Variants in SMARCC1 observed in about 807,000 individuals in gnomAD.
SMARCC1 encodes SWI/SNF related BAF chromatin remodeling complex subunit C1.
A neutral mutation model predicts 147.4 loss-of-function variants in SMARCC1; 43 were observed. The ratio of observed to expected loss-of-function variants is 0.29; its 90% confidence interval spans 0.23 to 0.38. SMARCC1 has a LOEUF of 0.38. Ranked by LOEUF, SMARCC1 falls within the 10% of genes least tolerant of loss-of-function variation. SMARCC1 has a pLI of 1.00. For missense variants in SMARCC1, 1,119 were observed against 1,381.1 expected (o/e 0.81, Z 3.01); for synonymous variants, 495 against 484.4 (o/e 1.02, Z -0.29).
chr3:47,597,427 T>C lies in SMARCC1; in HGVS notation c.3044-6590A>G, dbSNP rs184393494. Among the ~76,000 whole-genome samples, 1,374 of 152,168 alleles carry C rather than the reference T, an allele frequency of 9.0e-3. 21 individuals carry two copies. The highest frequency in any genetic ancestry group is 0.042 in the South Asian group (200 of 4,808). On this transcript the variant is annotated intron_variant, in intron 26 of 27. Transcript: ENST00000254480. ...GTGCAATCTCCGCCTCCCGGGTTCA[T>C]GCCATTCTCCTGCCGCAGCCTCCCG...
intron 15 of SMARCC1, chr3:47,680,108 C>A: frequency 4.4e-6 from 1 of 226,412 alleles, no homozygotes; most frequent in Non-Finnish European, 8.5e-6. Context: ...GTAGTCCCAG[C>A]TACTTCAAGA....
intron 6 of SMARCC1, among the ~76,000 whole-genome samples, chr3:47,725,746 C>T (rs1397597017): frequency 1.3e-5 from 2 of 152,006 alleles, no homozygotes; most frequent in Admixed American, 1.3e-4. Flanking sequence ...GCCATCGGGC[C>T]CAGCCCAACT....
At chr3:47,660,394 T>A (rs189556288) in intron 21 of SMARCC1, among the ~76,000 whole-genome samples, 1 of 133,552 alleles carries the variant, frequency 7.5e-6, no homozygotes, top group East Asian at 2.1e-4. Flanking sequence ...TGCAGTGAGC[T>A]GAGATCGCGC....
At chr3:47,769,344 G>A (rs1323349087) in intron 2 of SMARCC1, among the ~76,000 whole-genome samples, 1 of 149,578 alleles carries the variant, frequency 6.7e-6, no homozygotes, top group Admixed American at 6.8e-5. Flanking sequence ...GTGAAACTCT[G>A]TGTCTACTAG....
chr3:47,655,718 T>G (rs956545602), intron 21 of SMARCC1, among the ~76,000 whole-genome samples: 2 of 151,882 alleles, frequency 1.3e-5, no homozygotes, highest in Admixed American at 1.3e-4. Flanking sequence ...AAAATAATAA[T>G]AATTAAAAAG....
At chr3:47,686,894 C>T (rs1450830512) in intron 13 of SMARCC1, among the ~76,000 whole-genome samples, 1 of 152,030 alleles carries the variant, frequency 6.6e-6, no homozygotes, top group South Asian at 2.1e-4. Context: ...CTGAAGTCAG[C>T]AAGATTGCTT....
intron 14 of SMARCC1, 44 bp downstream of exon 14, chr3:47,686,005 G>A (rs2033717689): frequency 1.3e-6 from 2 of 1,583,856 alleles, no homozygotes; most frequent in East Asian, 4.5e-5. Flanking sequence ...GAAAGTTCTT[G>A]TACTGCTCAG....
chr3:47,638,943 C>A (rs2033011340), intron 21 of SMARCC1, among the ~76,000 whole-genome samples, 163 bp from the exon 22 acceptor site: 1 of 152,160 alleles, frequency 6.6e-6, no homozygotes, highest in Non-Finnish European at 1.5e-5. Flanking sequence ...ACAACACACA[C>A]TGTATGATAA....
intron 24 of SMARCC1, among the ~76,000 whole-genome samples, chr3:47,622,926 T>C (rs2032755395): frequency 6.6e-6 from 1 of 152,144 alleles, no homozygotes; most frequent in Admixed American, 6.5e-5. Context: ...ACAAGACTGA[T>C]GGTGAATGCT....
intron 21 of SMARCC1, among the ~76,000 whole-genome samples, chr3:47,639,032 C>A (rs57119659): frequency 0.017 from 2,539 of 152,250 alleles, 80 homozygotes; most frequent in African/African-American, 0.058. Flanking sequence ...GTGAATTATA[C>A]AGAAAGCAGA....
At chr3:47,690,593 G>A (rs2033778478) in intron 12 of SMARCC1, among the ~76,000 whole-genome samples, 1 of 152,178 alleles carries the variant, frequency 6.6e-6, no homozygotes, top group African/African-American at 2.4e-5. Context: ...GTGATACAAA[G>A]CATTGGCAGG....
intron 12 of SMARCC1, among the ~76,000 whole-genome samples, chr3:47,691,993 C>T (rs1439468574): frequency 3.3e-5 from 5 of 151,960 alleles, no homozygotes; most frequent in Admixed American, 6.6e-5. Context: ...ACCGAGGCTC[C>T]GTCTCAAAAA....
At chr3:47,721,434 C>T (rs1470639120) in intron 6 of SMARCC1, among the ~76,000 whole-genome samples, 1 of 152,060 alleles carries the variant, frequency 6.6e-6, no homozygotes, top group Non-Finnish European at 1.5e-5. Flanking sequence ...ATTACCTCCA[C>T]ATTTCAGCAC....
intron 12 of SMARCC1, among the ~76,000 whole-genome samples, chr3:47,690,496 T>C (rs552948535): frequency 6.6e-5 from 10 of 152,268 alleles, no homozygotes; most frequent in Non-Finnish European, 1.0e-4. Flanking sequence ...TCCAGTTGGA[T>C]TGGCTTGGTA....
At chr3:47,612,460 G>A (rs897072865) in intron 25 of SMARCC1, among the ~76,000 whole-genome samples, 2 of 152,130 alleles carry the variant, frequency 1.3e-5, no homozygotes, top group Non-Finnish European at 2.9e-5. Flanking sequence ...GCTACTGGAG[G>A]GAGCAGTGAC....
rs199718482 is a variant in SMARCC1, at chr3:47,710,826, C to G, written c.793-18G>C. On this transcript the variant is annotated intron_variant, in intron 8 of 27. Coordinates refer to ENST00000254480, the MANE Select transcript of SMARCC1 (RefSeq NM_003074.4). ...ACATGAACCTAAAACCATATCAAAG[C>G]ATCAATATCTACATAAATAACAAAA... 8.2e-6 allele frequency: 13 copies of G among 1,587,526 alleles called. No individual in the cohort carries two copies. The African/African-American group carries it at 1.8e-4, about 21-fold the overall frequency.
At position 47,632,967 on chromosome 3, in the gene SMARCC1, TAA is replaced by T. The variant is rs35876011; in HGVS notation, c.2646+2221_2646+2222del. ...ATGTAGGATTCCATTTATATGAAGT[TAA>T]AAAAAAAAAAAAGGAGAAACTAATC... On this transcript the variant is annotated intron_variant, in intron 24 of 27. Transcript: ENST00000254480. 3.6e-3 allele frequency among the ~76,000 whole-genome samples: 531 copies of T among 146,010 alleles called. 1 individual carries two copies. The highest frequency in any genetic ancestry group is 3.5e-3 in the Non-Finnish European group (230 of 66,584).
At chr3:47,618,004 ATTATTGACATTCATTCAGTAGGGGTAGGG>A in intron 25 of SMARCC1, among the ~76,000 whole-genome samples, 1 of 152,146 alleles carries the variant, frequency 6.6e-6, no homozygotes, top group Admixed American at 6.5e-5. Flanking sequence ...ATACAATTGG[ATTATTGACATTCATTCAGTAGGGGTAGGG>A]ACTGTCTCAT....
intron 25 of SMARCC1, among the ~76,000 whole-genome samples, chr3:47,617,345 T>C (rs1342907661): frequency 6.6e-6 from 1 of 152,248 alleles, no homozygotes; most frequent in Non-Finnish European, 1.5e-5. Context: ...AACATTACTT[T>C]CTTGCTTATG....
Sources: allele counts gnomAD v4.1 joint callset (sites outside exome capture counted in the v4.1 genomes callset), GRCh38; gene constraint gnomAD v4.1.1; transcripts MANE v1.5; gene names NCBI Gene and HGNC (gene_info 2026-07-23, HGNC 2026-07-21).